Variants in GLT1D1 observed in about 807,000 individuals in gnomAD.
GLT1D1 encodes the protein glycosyltransferase 1 domain containing 1.
In GLT1D1, 21 loss-of-function variants were observed where a neutral mutation model predicts 28.7. The ratio of observed to expected loss-of-function variants is 0.73; its 90% CI spans 0.52 to 1.05. The LOEUF is 1.05. GLT1D1 is among the 50% of genes least tolerant of loss of function. The pLI is 0.00. For missense variants in GLT1D1, 343 were observed against 330.6 expected, an observed-to-expected ratio of 1.04 and a Z score of -0.29; for synonymous variants, 147 against 124.8, an observed-to-expected ratio of 1.18 and a Z score of -1.19.
intron 1 of GLT1D1, among the ~76,000 whole-genome samples, chr12:128,860,294 C>T (rs917156068): frequency 6.6e-6 from 1 of 152,194 alleles, no homozygotes; most frequent in Non-Finnish European, 1.5e-5. Context: ...AACCCCATCT[C>T]TACTGAAAAT....
At chr12:128,950,211 C>T (rs1026977242) in intron 6 of GLT1D1, among the ~76,000 whole-genome samples, 2 of 152,040 alleles carry the variant, frequency 1.3e-5, no homozygotes, top group Non-Finnish European at 2.9e-5. Flanking sequence ...GGTGGGGTGC[C>T]GGTTCAAGGT....
Position 128,955,745 on chromosome 12 carries a change from G to A in GLT1D1, c.541-1800G>A, listed in dbSNP as rs185233310. Among the ~76,000 whole-genome samples, 16 of 152,070 alleles carry A rather than the reference G, an allele frequency of 1.1e-4. No individual in the cohort carries two copies. In the East Asian group the frequency reaches 3.1e-3, roughly 30 times the overall value. The stretch of plus-strand genomic sequence containing the variant: ...AGCTGGGACTCCACGCAGGTGATGT[G>A]TACTTCCCACCACGTCAAACGGGAG... On this transcript the variant is annotated intron_variant, in intron 6 of 7. Transcript: ENST00000281703.
intron 4 of GLT1D1, among the ~76,000 whole-genome samples, chr12:128,933,383 C>T (rs1168512317): frequency 6.6e-6 from 1 of 152,282 alleles, no homozygotes; most frequent in African/African-American, 2.4e-5. Context: ...TTGAACAATA[C>T]GCTTTCTTTT....
At chr12:128,904,893 C>G (rs903713265) in intron 4 of GLT1D1, among the ~76,000 whole-genome samples, 3 of 152,150 alleles carry the variant, frequency 2.0e-5, no homozygotes, top group African/African-American at 7.2e-5. Context: ...CTCGGCCTCC[C>G]AAAGTGCTGG....
rs886112970 is a variant in GLT1D1 at position 128,864,265 on chromosome 12, TG to T, written c.68+10617del. ...TGAAGATGAGAAGCTGAGTGTGGGA[TG>T]AAGTTTGCTTAGTCCTGCACTAGGG... On this transcript the variant is annotated intron_variant, in intron 1 of 7. Transcript: ENST00000281703. 5 of 537,784 alleles carry T rather than the reference TG, an allele frequency of 9.3e-6. No homozygotes were observed. The African/African-American group carries it at 9.7e-5, about 10-fold the overall frequency. 33.3% of individuals were successfully genotyped at this position (537,784 alleles called of 1,614,324 possible).
intron 7 of GLT1D1, among the ~76,000 whole-genome samples, chr12:128,971,431 CTCCTCCCTCCCT>C (rs1298985224): frequency 4.8e-5 from 6 of 124,240 alleles, no homozygotes; most frequent in Admixed American, 1.6e-4. Context: ...CCTTCCTCTC[CTCCTCCCTCCCT>C]TCCTCTCTCC....
intron 1 of GLT1D1, among the ~76,000 whole-genome samples, chr12:128,863,796 A>C (rs1021280370): frequency 6.6e-6 from 1 of 152,052 alleles, no homozygotes. Flanking sequence ...ATACAAAAAA[A>C]GTAGCCACAC....
chr12:128,928,190 G>A (rs976037549), intron 4 of GLT1D1, among the ~76,000 whole-genome samples: 1 of 151,916 alleles, frequency 6.6e-6, no homozygotes, highest in Non-Finnish European at 1.5e-5. Context: ...AACTTGGCAC[G>A]GTTCCTTCCA....
intron 4 of GLT1D1, among the ~76,000 whole-genome samples, chr12:128,941,533 TG>T (rs1207792112): frequency 6.6e-6 from 1 of 151,696 alleles, no homozygotes; most frequent in African/African-American, 2.4e-5. Context: ...ATGTATTCTT[TG>T]GAACATTCTG....
chr12:128,977,558 C>T (rs773592896), intron 7 of GLT1D1, among the ~76,000 whole-genome samples: 12 of 152,046 alleles, frequency 7.9e-5, no homozygotes, highest in Admixed American at 1.3e-4. Context: ...AAAAGAAATG[C>T]GGCAACCAGC....
chr12:128,879,381 T>TCCTTCCTTCCTTC (rs1566096266), intron 2 of GLT1D1, among the ~76,000 whole-genome samples: 6 of 29,286 alleles, frequency 2.0e-4, no homozygotes, highest in Non-Finnish European at 3.7e-4. Context: ...TTTTTCTTTT[T>TCCTTCCTTCCTTC]CTTTCTTTCT....
In GLT1D1 at chr12:128,902,407, C is replaced by T. The variant is rs533157193; in HGVS notation, c.375+3120C>T. On this transcript the variant is annotated intron_variant, in intron 4 of 7. Transcript: ENST00000281703. ...GGCTGAGGCAGGAGAATCGCTTGAA[C>T]CCAGAAGGTGGAGGTTGCAGTGAGC... Among the ~76,000 whole-genome samples the T allele has an allele frequency of 6.1e-3, 920 of 150,814 alleles. 6 individuals carry two copies. Among genetic ancestry groups the T allele is most frequent in the Middle Eastern group, 0.01 (3 of 288 alleles).
intron 4 of GLT1D1, among the ~76,000 whole-genome samples, chr12:128,940,155 T>C (rs1875038187): frequency 6.6e-6 from 1 of 152,124 alleles, no homozygotes; most frequent in African/African-American, 2.4e-5. Flanking sequence ...TTTGTATTGG[T>C]GGTGTCGTCT....
At chr12:128,895,707 C>A (rs762068900) in intron 3 of GLT1D1, among the ~76,000 whole-genome samples, 2 of 152,048 alleles carry the variant, frequency 1.3e-5, no homozygotes, top group African/African-American at 4.8e-5. Context: ...GATCCTCCCC[C>A]CTCGGCCTCC....
chr12:128,972,440 C>G (rs569380613), intron 7 of GLT1D1, among the ~76,000 whole-genome samples: 56 of 152,326 alleles, frequency 3.7e-4, no homozygotes, highest in Middle Eastern at 6.8e-3. Context: ...TTACATCACA[C>G]CTGCTGCTAG....
intron 4 of GLT1D1, among the ~76,000 whole-genome samples, 159 bp from the exon 8 acceptor site, chr12:128,926,946 C>G (rs144513324): frequency 6.6e-6 from 1 of 152,176 alleles, no homozygotes; most frequent in Non-Finnish European, 1.5e-5. Flanking sequence ...TACAGAAATT[C>G]TAAATAAATA....
chr12:128,942,586 C>T lies in GLT1D1; in HGVS notation c.376-2740C>T, dbSNP rs142000697. 4.0e-3 allele frequency among the ~76,000 whole-genome samples: 610 copies of T among 151,614 alleles called. 5 individuals are homozygous for T. The highest frequency in any genetic ancestry group is 0.014 in the African/African-American group (581 of 41,020). ...CGAGGGCTTGTTTCATTTGTTCTGG[C>T]ACCAAGTAAAGAGTAAATACGCCAT... On this transcript the variant is annotated intron_variant, in intron 4 of 7. Coordinates refer to ENST00000281703, the MANE Select transcript of GLT1D1 (RefSeq NM_144669.3).
At chr12:128,902,863 C>T (rs1202099318) in intron 4 of GLT1D1, among the ~76,000 whole-genome samples, 4 of 151,104 alleles carry the variant, frequency 2.6e-5, no homozygotes, top group Non-Finnish European at 4.4e-5. Flanking sequence ...GCCAACATGA[C>T]GAAACCCTGT....
At chr12:128,951,034 C>T (rs1300162982) in intron 6 of GLT1D1, among the ~76,000 whole-genome samples, 1 of 152,220 alleles carries the variant, frequency 6.6e-6, no homozygotes, top group African/African-American at 2.4e-5. Context: ...GTTCTCACCA[C>T]ACAAAACAAG....
Sources: gnomAD v4.1 joint callset for allele counts (sites outside exome capture counted in the v4.1 genomes callset) on GRCh38, gnomAD v4.1.1 for gene constraint, MANE v1.5 for transcripts, NCBI Gene and HGNC (gene_info 2026-07-23, HGNC 2026-07-21) for gene names.